Variants in SOX5 observed in about 807,000 individuals in gnomAD.
SOX5 encodes SRY-box transcription factor 5.
Under a neutral mutation model 92.0 loss-of-function variants are expected in SOX5, and 9 were observed. The observed-to-expected ratio is 0.10, with a 90% confidence interval of 0.06 to 0.17. The LOEUF is 0.17. Among genes scored for constraint, SOX5 ranks in the 10% least tolerant of loss-of-function variants. The probability of loss-of-function intolerance (pLI) is 1.00; values close to 1 mark genes in which losing one functional copy is unlikely to be tolerated. For missense variants in SOX5, 642 were observed against 944.5 expected (o/e 0.68, Z 4.20); for synonymous variants, 344 against 336.3 (o/e 1.02, Z -0.25).
At chr12:24,415,731 G>A (rs1189260047) in intron 1 of SOX5, among the ~76,000 whole-genome samples, 1 of 152,092 alleles carries the variant, frequency 6.6e-6, no homozygotes, top group Admixed American at 6.6e-5. Context: ...TGAGTATGAA[G>A]TCAAATAAAA....
At chr12:24,321,251 T>A (rs1254080172) in intron 2 of SOX5, among the ~76,000 whole-genome samples, 1 of 152,230 alleles carries the variant, frequency 6.6e-6, no homozygotes, top group Non-Finnish European at 1.5e-5. Context: ...GTTTGTGAAC[T>A]GTTTCATTAA....
chr12:24,320,803 T>C (rs1565899205), intron 2 of SOX5, among the ~76,000 whole-genome samples: 1 of 151,380 alleles, frequency 6.6e-6, no homozygotes, highest in African/African-American at 2.4e-5. Flanking sequence ...AGGCGGAGCT[T>C]GCAGTGAGCT....
At chr12:24,210,017 C>CA (rs1173723179) in intron 4 of SOX5, among the ~76,000 whole-genome samples, 864 of 62,704 alleles carry the variant, frequency 0.014, 111 homozygotes, top group African/African-American at 0.039. Flanking sequence ...GACTCCGTCT[C>CA]AAAAAAAAAA....
At chr12:23,701,465 T>A (rs1426775967) in intron 6 of SOX5, among the ~76,000 whole-genome samples, 1 of 152,016 alleles carries the variant, frequency 6.6e-6, no homozygotes, top group Non-Finnish European at 1.5e-5. Flanking sequence ...ACCATAAACA[T>A]AATAATGGAT....
At chr12:23,561,642 A>G (rs1183959892) in intron 11 of SOX5, among the ~76,000 whole-genome samples, 1 of 152,132 alleles carries the variant, frequency 6.6e-6, no homozygotes, top group Non-Finnish European at 1.5e-5. Flanking sequence ...CCATCAAAGT[A>G]CTTTTAATGG....
chr12:24,547,382 G>A (rs71450442), intron 1 of SOX5, among the ~76,000 whole-genome samples: 19,929 of 150,806 alleles, frequency 0.13, 1,455 homozygotes, highest in South Asian at 0.2. Context: ...TAGTAGAGAC[G>A]GGGTTTCACC....
Position 23,540,559 on chromosome 12 carries a change from G to A in SOX5, c.1771+2652C>T, listed in dbSNP as rs894110748. Among the ~76,000 whole-genome samples, 6 of 152,116 alleles carry A rather than the reference G, an allele frequency of 3.9e-5. No individual in the cohort carries two copies. In the East Asian group the frequency reaches 5.8e-4, roughly 15 times the overall value. On this transcript the variant is annotated intron_variant, in intron 13 of 14. Coordinates refer to ENST00000451604, the MANE Select transcript of SOX5 (RefSeq NM_006940.6). Reference sequence around the variant, plus strand: ...AATACACTGAAAGTGAAGAGTTTGCGCTGGGCAACATTGTCATCTCCGTGG... The same window carrying A: ...AATACACTGAAAGTGAAGAGTTTGCACTGGGCAACATTGTCATCTCCGTGG...
intron 1 of SOX5, among the ~76,000 whole-genome samples, chr12:24,480,324 G>A (rs1321214718): frequency 1.3e-5 from 2 of 152,104 alleles, no homozygotes; most frequent in Non-Finnish European, 2.9e-5. Context: ...AAACATTGGG[G>A]TAAATCTCCA....
chr12:24,500,330 T>G (rs1487101836), intron 1 of SOX5, among the ~76,000 whole-genome samples: 1 of 152,152 alleles, frequency 6.6e-6, no homozygotes, highest in Non-Finnish European at 1.5e-5. Context: ...AATAGAAATA[T>G]TCAGAAGAAT....
intron 4 of SOX5, among the ~76,000 whole-genome samples, chr12:24,112,737 T>C (rs1238121033): frequency 6.6e-6 from 1 of 151,716 alleles, no homozygotes; most frequent in African/African-American, 2.4e-5. Context: ...GGTTTCACCA[T>C]GTTGCCCAGG....
At chr12:23,606,218 T>C (rs746802258) in intron 8 of SOX5, among the ~76,000 whole-genome samples, 1 of 151,932 alleles carries the variant, frequency 6.6e-6, no homozygotes, top group Non-Finnish European at 1.5e-5. Context: ...GATATCACTT[T>C]ACAGATTAAA....
chr12:24,032,727 T>C (rs1226034447), intron 4 of SOX5, among the ~76,000 whole-genome samples: 31 of 152,014 alleles, frequency 2.0e-4, no homozygotes, highest in African/African-American at 2.2e-4. Flanking sequence ...AGAGAAGTTA[T>C]AGTTACTATC....
intron 8 of SOX5, among the ~76,000 whole-genome samples, chr12:23,613,209 G>A (rs1269824681): frequency 6.6e-6 from 1 of 152,032 alleles, no homozygotes; most frequent in Non-Finnish European, 1.5e-5. Context: ...ATAAGTCAAT[G>A]AACTGCCTAA....
At chr12:23,785,834 T>C (rs926988123) in intron 3 of SOX5, among the ~76,000 whole-genome samples, 1 of 152,166 alleles carries the variant, frequency 6.6e-6, no homozygotes, top group South Asian at 2.1e-4. Flanking sequence ...CATCCAAATC[T>C]ATTTAGTCTC....
rs769383331 is a variant in SOX5 at position 23,846,118 on chromosome 12, C to T, written c.346G>A (p.Gly116Ser). The T allele has an allele frequency of 3.1e-6, 5 of 1,614,026 alleles. No homozygotes were observed. The highest frequency in any genetic ancestry group is 1.3e-5 in the African/African-American group (1 of 74,942). Residue 116 changes from glycine to serine, a missense_variant, in exon 3 of 15, where the codon GGT becomes AGT. Coordinates refer to ENST00000451604, the MANE Select transcript of SOX5 (RefSeq NM_006940.6). ...AAGGACTCGCCACTCTGTCGCCCAC[C>T]TTCTTCTGCCTTCTGAGGTGAGGTA... ...SSTSPQKAEE[G>S]GRQSGESLSS...
intron 4 of SOX5, among the ~76,000 whole-genome samples, chr12:24,037,682 G>C (rs904661958): frequency 1.3e-5 from 2 of 152,104 alleles, no homozygotes; most frequent in African/African-American, 4.8e-5. Context: ...TATTCCAAAA[G>C]TTAAATATAA....
At chr12:23,574,454 C>T (rs372538393) in intron 10 of SOX5, among the ~76,000 whole-genome samples, 1 of 152,156 alleles carries the variant, frequency 6.6e-6, no homozygotes, top group Admixed American at 6.6e-5. Context: ...CTTGTTATTT[C>T]ATAAATTCAA....
At chr12:24,090,644 A>C (rs1405395759) in intron 4 of SOX5, among the ~76,000 whole-genome samples, 1 of 152,210 alleles carries the variant, frequency 6.6e-6, no homozygotes, top group Non-Finnish European at 1.5e-5. Context: ...ATATTTTACT[A>C]TACCAATAGT....
chr12:24,506,649 G>T (rs932611593), intron 1 of SOX5, among the ~76,000 whole-genome samples: 1 of 152,034 alleles, frequency 6.6e-6, no homozygotes, highest in Non-Finnish European at 1.5e-5. Flanking sequence ...ATTAACAATG[G>T]CATCCTACTG....
Sources: gnomAD v4.1 joint callset for allele counts (sites outside exome capture counted in the v4.1 genomes callset) on GRCh38, gnomAD v4.1.1 for gene constraint, MANE v1.5 for transcripts, NCBI Gene and HGNC (gene_info 2026-07-23, HGNC 2026-07-21) for gene names.